CSNK2A1: variants seen among roughly 807,000 people sequenced by gnomAD.
CSNK2A1 encodes the protein casein kinase 2 alpha 1, also known as casein kinase II subunit alpha.
In CSNK2A1, 10 loss-of-function variants were observed where a neutral mutation model predicts 62.9. The ratio of observed to expected loss-of-function variants is 0.16; its 90% confidence interval spans 0.10 to 0.27. The LOEUF is 0.27. Ranked by LOEUF, CSNK2A1 falls within the 10% of genes least tolerant of loss-of-function variation. The pLI, the probability that CSNK2A1 is intolerant of heterozygous loss-of-function variation, is 1.00. For missense variants in CSNK2A1, 160 were observed against 492.0 expected (o/e 0.33, Z 6.38); for synonymous variants, 124 against 167.8 (o/e 0.74, Z 2.02).
intron 1 of CSNK2A1, among the ~76,000 whole-genome samples, chr20:536,458 A>G (rs1381714003): frequency 6.6e-6 from 1 of 152,194 alleles, no homozygotes; most frequent in Non-Finnish European, 1.5e-5. Flanking sequence ...TGAGGTAGGT[A>G]CTACTAATTC....
chr20:528,594 CT>C (rs11475071), intron 1 of CSNK2A1, among the ~76,000 whole-genome samples: 15,486 of 151,722 alleles, frequency 0.1, 1,755 homozygotes, highest in African/African-American at 0.28. Context: ...TAAATTTTTT[CT>C]TTTTTTTCTT....
rs2122461521 is a variant in CSNK2A1 at position 474,046 on chromosome 20, G to A, written c.*9915C>T. ...TTGAAAGGCTTTTAAGCAAGGGACT[G>A]AGATAAAATTTATTTATTATTTTTA... On this transcript the variant is annotated 3_prime_UTR_variant, in exon 14 of 14. Coordinates refer to ENST00000217244, the MANE Select transcript of CSNK2A1 (RefSeq NM_177559.3). 1 of 152,314 alleles carries A rather than the reference G, an allele frequency of 6.6e-6. No homozygotes were observed. The highest frequency in any genetic ancestry group is 2.1e-4 in the South Asian group (1 of 4,828). The allele number at this position is 152,314 out of a possible 1,614,324, so 9.4% of individuals were successfully genotyped here. A position where few individuals can be genotyped will look rare whatever the true frequency, so the allele number is the denominator to read the frequency against.
chr20:525,176 A>G (rs1380206311), intron 2 of CSNK2A1, among the ~76,000 whole-genome samples: 2 of 152,162 alleles, frequency 1.3e-5, no homozygotes, highest in South Asian at 2.1e-4. Context: ...TAAAAATACG[A>G]TATTTCAAAA....
In CSNK2A1 at chr20:484,463, T is replaced by A. The variant is rs140229954; in HGVS notation, c.1061-387A>T. Among the ~76,000 whole-genome samples the A allele has an allele frequency of 2.0e-5, 3 of 152,330 alleles. No individual in the cohort carries two copies. In the East Asian group the frequency reaches 5.8e-4, roughly 29 times the overall value. On this transcript the variant is annotated intron_variant, in intron 13 of 13. Coordinates refer to ENST00000217244, the MANE Select transcript of CSNK2A1 (RefSeq NM_177559.3). ...CTAGTGCAACTGAGGAACTACATTT[T>A]AAATTTTATTCAATTGTAATTAAAT...
intron 2 of CSNK2A1, among the ~76,000 whole-genome samples, chr20:526,109 G>A (rs2019082754): frequency 2.0e-5 from 3 of 152,052 alleles, no homozygotes; most frequent in South Asian, 4.1e-4. Flanking sequence ...AAACTAGAAG[G>A]AAAAAAACGG....
At chr20:529,064 G>A (rs1024046410) in intron 1 of CSNK2A1, among the ~76,000 whole-genome samples, 8 of 152,114 alleles carry the variant, frequency 5.3e-5, no homozygotes, top group South Asian at 2.1e-4. Flanking sequence ...TTTTAGAGAC[G>A]AGGATTCACT....
At chr20:501,492 A>G (rs2018469059) in intron 4 of CSNK2A1, 1 of 152,242 alleles carries the variant, frequency 6.6e-6, no homozygotes, top group Non-Finnish European at 1.5e-5. Context: ...GGACAAAATT[A>G]ATGTACTTTA....
At chr20:493,502 T>G (rs2018279307) in intron 8 of CSNK2A1, among the ~76,000 whole-genome samples, 1 of 152,324 alleles carries the variant, frequency 6.6e-6, no homozygotes, top group Non-Finnish European at 1.5e-5. Context: ...AGATTATAGA[T>G]TCACAGGAAA....
chr20:492,489 T>C, intron 8 of CSNK2A1, 125 bp from the exon 9 acceptor site: 1 of 807,876 alleles, frequency 1.2e-6, no homozygotes, highest in South Asian at 1.8e-5. Context: ...CACTGACTAC[T>C]TATAGCCTTT....
At chr20:527,017 G>GAGAGAA (rs1289224630) in intron 2 of CSNK2A1, 1 of 149,800 alleles carries the variant, frequency 6.7e-6, no homozygotes, top group African/African-American at 2.5e-5. Context: ...GAGAGAGAGA[G>GAGAGAA]AGAGAGAGAG....
intron 1 of CSNK2A1, among the ~76,000 whole-genome samples, chr20:535,168 C>CAACA (rs2019290728): frequency 6.6e-6 from 1 of 150,656 alleles, no homozygotes; most frequent in Non-Finnish European, 1.5e-5. Flanking sequence ...CCAGCCTGGG[C>CAACA]AACATGGTGA....
intron 2 of CSNK2A1, among the ~76,000 whole-genome samples, chr20:521,183 C>T (rs1042359805): frequency 2.0e-5 from 3 of 151,868 alleles, no homozygotes; most frequent in African/African-American, 7.3e-5. Flanking sequence ...AATCACAAAT[C>T]GAATAAAGAA....
intron 10 of CSNK2A1, 94 bp downstream of exon 10, chr20:489,686 G>T: frequency 1.0e-6 from 1 of 971,226 alleles, no homozygotes; most frequent in Non-Finnish European, 1.5e-6. Flanking sequence ...CAATATCGGG[G>T]TGGCTGAATA....
intron 9 of CSNK2A1, 29 bp from the exon 10 acceptor site, chr20:489,910 T>C: frequency 1.3e-6 from 2 of 1,540,822 alleles, no homozygotes; most frequent in African/African-American, 2.7e-5. Flanking sequence ...ACTGTTATTA[T>C]CTGTGAATCC....
Position 499,600 on chromosome 20 carries a change from T to C in CSNK2A1, c.315+233A>G, listed in dbSNP as rs2018416267. The C allele has an allele frequency of 5.3e-6, 3 of 564,248 alleles. No individual in the cohort carries two copies. Among genetic ancestry groups the C allele is most frequent in the Non-Finnish European group, 9.3e-6 (3 of 322,990 alleles). The allele number at this position is 564,248 out of a possible 1,614,324, so 35.0% of individuals were successfully genotyped here. On this transcript the variant is annotated intron_variant, in intron 5 of 13. Transcript: ENST00000217244. This position sits in a 1 kb window ranked among gnomAD's most constrained non-coding sequence, Gnocchi z 4.2. ...TGAGTTTGCAAAATGGATTAACACA[T>C]TTCAGTTTCCAGTGCTATCAGTCTC...
rs147347429 is a variant in CSNK2A1, at chr20:484,033, T to C, written c.1104A>G (p.Ala368=). ...VPTPSPLGPL[A]GSPVIAAANP... ...TGGCAGCAGCAATCACTGGTGAGCC[T>C]GCCAGAGGTCCAAGGGGTGAAGGGG... Residue 368 remains alanine (A), a synonymous_variant, in exon 14 of 14, where the codon GCA becomes GCG. Coordinates refer to ENST00000217244, the MANE Select transcript of CSNK2A1 (RefSeq NM_177559.3). The C allele has an allele frequency of 1.1e-4, 170 of 1,611,950 alleles. No homozygotes were observed. In the African/African-American group the frequency reaches 2.2e-3, roughly 21 times the overall value.
At chr20:495,435 T>A (rs967680205) in intron 8 of CSNK2A1, 6 of 350,216 alleles carry the variant, frequency 1.7e-5, no homozygotes, top group Non-Finnish European at 3.2e-5. Flanking sequence ...AAGTAGTTTC[T>A]CAGGAAACCA....
intron 4 of CSNK2A1, chr20:504,793 T>G (rs1360572679): frequency 3.7e-6 from 1 of 271,456 alleles, no homozygotes; most frequent in East Asian, 6.5e-5. Context: ...CAATGATTTA[T>G]TTATTGAAAA....
chr20:543,781 G>C lies in CSNK2A1; in HGVS notation c.-336C>G, dbSNP rs142572578. ...GCTCGGCCGCCAGCCGCAGGGACCAGAGCGAGGCTGCAGCCGCTGCTGCCG... is the reference window on the plus strand; with the variant it reads ...GCTCGGCCGCCAGCCGCAGGGACCACAGCGAGGCTGCAGCCGCTGCTGCCG... On this transcript the variant is annotated 5_prime_UTR_variant, in exon 1 of 14. Coordinates refer to ENST00000217244, the MANE Select transcript of CSNK2A1 (RefSeq NM_177559.3). 1.5e-5 allele frequency: 6 copies of C among 398,464 alleles called. No homozygotes were observed. Among genetic ancestry groups the C allele is most frequent in the Non-Finnish European group, 2.7e-5 (6 of 226,020 alleles). 24.7% of individuals were successfully genotyped at this position (398,464 alleles called of 1,614,324 possible). A position where few individuals can be genotyped will look rare whatever the true frequency, so the allele number is the denominator to read the frequency against.
Sources: allele counts gnomAD v4.1 joint callset (sites outside exome capture counted in the v4.1 genomes callset), GRCh38; gene constraint gnomAD v4.1.1; non-coding constraint Gnocchi (gnomAD v3.1); transcripts MANE v1.5; gene names NCBI Gene and HGNC (gene_info 2026-07-23, HGNC 2026-07-21).